GTF2H2: variants seen among roughly 807,000 people sequenced by gnomAD.
The protein encoded by GTF2H2 is TFIIH basal transcription factor complex p44 subunit.
In GTF2H2, 2 loss-of-function variants were observed where a neutral mutation model predicts 16.5. The ratio of observed to expected loss-of-function variants is 0.12; its 90% CI spans 0.05 to 0.38. The LOEUF is 0.38. GTF2H2 is among the 10% of genes least tolerant of loss of function. GTF2H2 has a pLI of 0.99. For synonymous variants in GTF2H2, 8 were observed against 44.1 expected (o/e 0.18, Z 3.24); for missense variants, 20 against 137.0 (o/e 0.15, Z 4.26).
chr5:71,057,967 C>T (rs1753381779), intron 7 of GTF2H2: 2 of 100,810 alleles, frequency 2.0e-5, no homozygotes, highest in Non-Finnish European at 4.1e-5. Context: ...AATCCCAACA[C>T]TTTGGGAGGC....
chr5:71,039,585 T>C lies in GTF2H2; in HGVS notation c.1028+1937A>G, dbSNP rs1423722974. ...CTTTTTTTCTCGTATCATTCTCATA[T>C]TGGACCTTCTGGATAATTCCACCAG... On this transcript the variant is annotated intron_variant, in intron 14 of 15. Coordinates refer to ENST00000274400, the Ensembl canonical transcript of GTF2H2. 4.7e-5 allele frequency among the ~76,000 whole-genome samples: 7 copies of C among 148,190 alleles called. 2 individuals carry two copies. Among genetic ancestry groups the C allele is most frequent in the Non-Finnish European group, 1.0e-4 (7 of 67,294 alleles).
rs1339081154 is a variant in GTF2H2 at position 71,038,363 on chromosome 5, A to G, written c.1029-817T>C. ...TATCTTGGCTTCCCAACGTGTTAGG[A>G]TTACAGGCATGAGCCACCATGCCCA... On this transcript the variant is annotated intron_variant, in intron 14 of 15. Transcript: ENST00000274400. 2.6e-5 allele frequency among the ~76,000 whole-genome samples: 2 copies of G among 77,818 alleles called. 1 individual carries two copies. Among genetic ancestry groups the G allele is most frequent in the East Asian group, 1.9e-3 (2 of 1,042 alleles). The allele number at this position is 77,818 out of a possible 152,430, so 51.1% of individuals were successfully genotyped here.
chr5:71,054,540 C>T (rs374161421), intron 8 of GTF2H2, among the ~76,000 whole-genome samples: 1 of 143,594 alleles, frequency 7.0e-6, no homozygotes, highest in African/African-American at 2.7e-5. Flanking sequence ...ACTAAAAATA[C>T]AAAAATTGGC....
chr5:71,053,342 ACAGC>A (rs1752919570), intron 8 of GTF2H2, among the ~76,000 whole-genome samples: 1 of 142,464 alleles, frequency 7.0e-6, no homozygotes, highest in South Asian at 2.1e-4. Context: ...AGACTGGAAA[ACAGC>A]CAGTTGGTGG....
In GTF2H2 at chr5:71,055,049, AATT is replaced by A. The variant is rs554704641; in HGVS notation, c.470+300_470+302del. On this transcript the variant is annotated intron_variant, in intron 8 of 15. Transcript: ENST00000274400. Reference sequence around the variant, plus strand: ...GTTAATAAAGGTACAACCAACTTACAATTATTATACTATATTAAATCTCATTTT... The same window carrying A: ...GTTAATAAAGGTACAACCAACTTACAATTATACTATATTAAATCTCATTTT... 9.5e-4 allele frequency: 181 copies of A among 190,648 alleles called. 21 individuals are homozygous for A. Among genetic ancestry groups the A allele is most frequent in the African/African-American group, 4.4e-3 (171 of 38,956 alleles). The allele number at this position is 190,648 out of a possible 1,614,324, so 11.8% of individuals were successfully genotyped here.
At chr5:71,055,123 C>T (rs1030273866) in intron 8 of GTF2H2, 2 of 349,700 alleles carry the variant, frequency 5.7e-6, no homozygotes, top group South Asian at 1.5e-4. Flanking sequence ...ATTGATACTG[C>T]CGACAGTTTT....
intron 14 of GTF2H2, among the ~76,000 whole-genome samples, chr5:71,037,974 C>CAAAAAAAAA (rs1164937065): frequency 1.2e-4 from 1 of 8,442 alleles, no homozygotes; most frequent in African/African-American, 3.0e-4. Flanking sequence ...CTCTGACTCA[C>CAAAAAAAAA]AAAAAAAAAA....
At chr5:71,052,921 T>C (rs1361790179) in intron 8 of GTF2H2, among the ~76,000 whole-genome samples, 3 of 64,516 alleles carry the variant, frequency 4.7e-5, no homozygotes, top group Admixed American at 2.0e-4. Flanking sequence ...GCTAATTTTT[T>C]TTTTTTTTTT....
chr5:71,054,121 CAG>C (rs946887467), intron 8 of GTF2H2, among the ~76,000 whole-genome samples: 7 of 142,898 alleles, frequency 4.9e-5, no homozygotes, highest in Non-Finnish European at 9.1e-5. Flanking sequence ...CACAGTAATT[CAG>C]AGTCATAATA....
intron 15 of GTF2H2, among the ~76,000 whole-genome samples, chr5:71,036,038 C>T (rs1474441442): frequency 2.8e-4 from 17 of 60,266 alleles, no homozygotes; most frequent in African/African-American, 1.2e-3. Flanking sequence ...TATTCTATTA[C>T]AGTTCGCTCT....
intron 8 of GTF2H2, among the ~76,000 whole-genome samples, chr5:71,054,822 A>G (rs1375221466): frequency 7.3e-6 from 1 of 137,490 alleles, no homozygotes; most frequent in Non-Finnish European, 1.6e-5. Context: ...CTTTATATAT[A>G]TATGTATAAT....
chr5:71,054,148 T>C (rs1170222977), intron 8 of GTF2H2, among the ~76,000 whole-genome samples: 1 of 144,726 alleles, frequency 6.9e-6, no homozygotes, highest in Non-Finnish European at 1.5e-5. Context: ...TGAACATTAA[T>C]ATTGCATACC....
In GTF2H2 at chr5:71,054,712, C is replaced by CGTGTGTGT. The variant is rs750011504; in HGVS notation, c.470+632_470+639dup. Among the ~76,000 whole-genome samples, 442 of 105,216 alleles carry CGTGTGTGT rather than the reference C, an allele frequency of 4.2e-3. 3 individuals are homozygous for CGTGTGTGT. Among genetic ancestry groups the CGTGTGTGT allele is most frequent in the African/African-American group, 7.9e-3 (201 of 25,562 alleles). 69.0% of individuals were successfully genotyped at this position (105,216 alleles called of 152,430 possible). ...TGTCTCGAAAAAAAATATATATATACGTGTGTGTGTGTGTGTGTGTGTGTG... is the reference window on the plus strand; with the variant it reads ...TGTCTCGAAAAAAAATATATATATACGTGTGTGTGTGTGTGTGTGTGTGTGTGTGTGTG... On this transcript the variant is annotated intron_variant, in intron 8 of 15. Transcript: ENST00000274400.
chr5:71,052,989 A>C (rs1236292492), intron 8 of GTF2H2, among the ~76,000 whole-genome samples: 1 of 103,210 alleles, frequency 9.7e-6, no homozygotes, highest in Non-Finnish European at 1.9e-5. Flanking sequence ...GACTGGTCTC[A>C]AACTCATGGC....
At chr5:71,052,980 A>T (rs1240238051) in intron 8 of GTF2H2, among the ~76,000 whole-genome samples, 32 of 87,910 alleles carry the variant, frequency 3.6e-4, no homozygotes, top group African/African-American at 1.6e-3. Flanking sequence ...TGTTACCAGG[A>T]CTGGTCTCAA....
intron 8 of GTF2H2, 115 bp downstream of exon 8, chr5:71,055,237 T>C: frequency 1.9e-6 from 2 of 1,056,394 alleles, no homozygotes; most frequent in South Asian, 3.5e-5. Flanking sequence ...TACATAATTC[T>C]TGTACTTAAC....
intron 3 of GTF2H2, 132 bp downstream of exon 3, chr5:71,061,556 C>G (rs1753637743): frequency 9.3e-6 from 3 of 323,810 alleles, no homozygotes; most frequent in Non-Finnish European, 1.7e-5. Flanking sequence ...TAGTTCTTTC[C>G]CCATAGTCAG....
At chr5:71,054,714 T>TGTGTAC (rs1753052494) in intron 8 of GTF2H2, among the ~76,000 whole-genome samples, 1 of 113,184 alleles carries the variant, frequency 8.8e-6, no homozygotes, top group Non-Finnish European at 1.8e-5. Flanking sequence ...TATATATACG[T>TGTGTAC]GTGTGTGTGT....
Position 71,036,404 on chromosome 5 carries a change from T to TA in GTF2H2, c.1069-609dup, listed in dbSNP as rs1336144466. Reference sequence around the variant, plus strand: ...CTCAGAAGTATTTGGCTTTGAATAATAAAAAAAAAAAGAATGAATAAATAA... The same window carrying TA: ...CTCAGAAGTATTTGGCTTTGAATAATAAAAAAAAAAAAGAATGAATAAATAA... On this transcript the variant is annotated intron_variant, in intron 15 of 15. Transcript: ENST00000274400. 2.7e-3 allele frequency among the ~76,000 whole-genome samples: 216 copies of TA among 80,216 alleles called. 56 individuals carry two copies. Among genetic ancestry groups the TA allele is most frequent in the East Asian group, 0.011 (12 of 1,124 alleles). 52.6% of individuals were successfully genotyped at this position (80,216 alleles called of 152,430 possible).
Sources: allele counts gnomAD v4.1 joint callset (sites outside exome capture counted in the v4.1 genomes callset), GRCh38; gene constraint gnomAD v4.1.1; transcripts MANE v1.5; gene names NCBI Gene and HGNC (gene_info 2026-07-23, HGNC 2026-07-21).